TPCN2: variants seen among roughly 807,000 people sequenced by gnomAD.
TPCN2 encodes the protein two pore channel protein 2.
Under a neutral mutation model 111.4 loss-of-function variants are expected in TPCN2, and 92 were observed. The observed-to-expected ratio is 0.83, with a 90% CI of 0.70 to 0.98. The LOEUF is 0.98. Among genes scored for constraint, TPCN2 ranks in the 50% least tolerant of loss-of-function variants. The pLI, the probability that TPCN2 is intolerant of heterozygous loss-of-function variation, is 0.00. For missense variants in TPCN2, 995 were observed against 980.1 expected (o/e 1.02, Z -0.20); for synonymous variants, 405 against 414.5 (o/e 0.98, Z 0.28).
chr11:69,087,035 C>T, intron 23 of TPCN2, 77 bp from the exon 24 acceptor site: 1 of 1,327,548 alleles, frequency 7.5e-7, no homozygotes, highest in Non-Finnish European at 1.1e-6. Context: ...TGTGGCTGAC[C>T]CTGGAGGGGC....
rs1190575117 is a variant in TPCN2 at position 69,076,580 on chromosome 11, GTCCCTCCACCTGCCCTCCTGCC to G, written c.1231-1901_1231-1880del. Among the ~76,000 whole-genome samples the G allele has an allele frequency of 1.1e-4, 15 of 140,972 alleles. 1 individual carries two copies. The highest frequency in any genetic ancestry group is 2.8e-4 in the Admixed American group (4 of 14,284). 92.5% of individuals were successfully genotyped at this position (140,972 alleles called of 152,430 possible). A position where few individuals can be genotyped will look rare whatever the true frequency, so the allele number is the denominator to read the frequency against. On this transcript the variant is annotated intron_variant, in intron 13 of 24. Coordinates refer to ENST00000294309, the MANE Select transcript of TPCN2 (RefSeq NM_139075.4). ...GTCCCTCCACCTGCCCTCCTGCTCT[GTCCCTCCACCTGCCCTCCTGCC>G]GTGTCCCTCCACCTGCCCTCCTGCG...
chr11:69,063,504 C>A (rs926897030), intron 6 of TPCN2, among the ~76,000 whole-genome samples: 2 of 152,112 alleles, frequency 1.3e-5, no homozygotes, highest in African/African-American at 4.8e-5. Flanking sequence ...TGGTCCCGAT[C>A]CCCTGCCGCC....
chr11:69,072,984 A>C lies in TPCN2; in HGVS notation c.1213A>C (p.Arg405=). 6.2e-7 allele frequency: 1 copy of C among 1,613,776 alleles called. No homozygotes were observed. The change falls in exon 13 of 25, where the codon AGA becomes CGA. Residue 405 remains arginine, a synonymous_variant. Transcript: ENST00000294309. Reference sequence around the variant, plus strand: ...TCAGAAGCTCTTCAACGAGCTTGACAGAAGTGTGGTTAAAGAGGTAACTGG... The same window carrying C: ...TCAGAAGCTCTTCAACGAGCTTGACCGAAGTGTGGTTAAAGAGGTAACTGG... ...EFQKLFNELD[R]SVVKEHPPRP...
rs1855738768 is a variant in TPCN2 at position 69,076,023 on chromosome 11, C to A, written c.1231-2459C>A. Among the ~76,000 whole-genome samples, 3 of 152,238 alleles carry A rather than the reference C, an allele frequency of 2.0e-5. No individual in the cohort carries two copies. In the South Asian group the frequency reaches 6.2e-4, roughly 32 times the overall value. On this transcript the variant is annotated intron_variant, in intron 13 of 24. Coordinates refer to ENST00000294309, the MANE Select transcript of TPCN2 (RefSeq NM_139075.4). Reference sequence around the variant, plus strand: ...CTGAAATCTCTCTTGGCCAAGGTGTCCGTCTGGGTTAAACAGAAAGTGTCA... The same window carrying A: ...CTGAAATCTCTCTTGGCCAAGGTGTACGTCTGGGTTAAACAGAAAGTGTCA...
In TPCN2 at chr11:69,083,940, C is replaced by T; in HGVS notation, c.1690-5C>T. Reference sequence around the variant, plus strand: ...GTAAGGGCTGTGCTCTCTTCCTGTCCTCAGCTGATGGCCGTGGTGGCCAGT... The same window carrying T: ...GTAAGGGCTGTGCTCTCTTCCTGTCTTCAGCTGATGGCCGTGGTGGCCAGT... On this transcript the variant is annotated splice_region_variant and splice_polypyrimidine_tract_variant and intron_variant, in intron 18 of 24. Transcript: ENST00000294309. The T allele has an allele frequency of 6.2e-7, 1 of 1,614,004 alleles. No homozygotes were observed.
chr11:69,059,135 T>G (rs1412592277), intron 5 of TPCN2, among the ~76,000 whole-genome samples: 1 of 152,182 alleles, frequency 6.6e-6, no homozygotes, highest in East Asian at 1.9e-4. Flanking sequence ...TGGACCTTCC[T>G]CCCTGAGGGG....
chr11:69,058,133 C>T (rs1358585963), intron 5 of TPCN2, among the ~76,000 whole-genome samples: 1 of 152,224 alleles, frequency 6.6e-6, no homozygotes, highest in Non-Finnish European at 1.5e-5. Context: ...CTTTCCACCG[C>T]AGTGCCTTGG....
intron 8 of TPCN2, among the ~76,000 whole-genome samples, chr11:69,069,741 C>G (rs1344298875): frequency 8.1e-6 from 1 of 123,512 alleles, no homozygotes; most frequent in Non-Finnish European, 1.8e-5. Flanking sequence ...AGGAAGTGAC[C>G]GCACTGGGAG....
intron 4 of TPCN2, among the ~76,000 whole-genome samples, chr11:69,057,265 A>G (rs953928803): frequency 6.6e-6 from 1 of 152,228 alleles, no homozygotes; most frequent in African/African-American, 2.4e-5. Flanking sequence ...CCTTTTCCAG[A>G]GTGCATTCCA....
chr11:69,057,537 T>C (rs1396557994), intron 4 of TPCN2, 41 bp from the exon 5 acceptor site: 1 of 1,563,844 alleles, frequency 6.4e-7, no homozygotes, highest in Non-Finnish European at 8.8e-7. Flanking sequence ...AGGGCCAGCG[T>C]GTGGGGCTAC....
intron 13 of TPCN2, among the ~76,000 whole-genome samples, chr11:69,077,447 G>T (rs1366048315): frequency 6.6e-6 from 1 of 152,202 alleles, no homozygotes; most frequent in Non-Finnish European, 1.5e-5. Flanking sequence ...CTGTGGATGA[G>T]ACGCTGAAAG....
intron 1 of TPCN2, among the ~76,000 whole-genome samples, chr11:69,050,714 A>T (rs1590698727): frequency 6.6e-6 from 1 of 152,214 alleles, no homozygotes; most frequent in Admixed American, 6.5e-5. Context: ...AAAGGGAGAT[A>T]ATACTAAGGA....
At chr11:69,052,206 C>T (rs1352007669) in intron 1 of TPCN2, among the ~76,000 whole-genome samples, 6 of 152,074 alleles carry the variant, frequency 3.9e-5, no homozygotes, top group South Asian at 2.1e-4. Context: ...GGAACTCGGC[C>T]GCTTGTCTCT....
In TPCN2 at chr11:69,055,176, A is replaced by T; in HGVS notation, c.253A>T (p.Thr85Ser). 2 of 1,613,814 alleles carry T rather than the reference A, an allele frequency of 1.2e-6. No homozygotes were observed. Among genetic ancestry groups the T allele is most frequent in the African/African-American group, 1.3e-5 (1 of 75,016 alleles). Residue 85 changes from threonine (T) to serine (S), a missense_variant and splice_region_variant, in exon 4 of 25, where the codon ACT (threonine) becomes TCT (serine). By Grantham distance (58) the Thr-to-Ser change is moderately conservative. Coordinates refer to ENST00000294309, the MANE Select transcript of TPCN2 (RefSeq NM_139075.4). ...TTCATGTTTCTGTCCCCTTTCCAGG[A>T]CTTTGAGCTTCACCATCTTCTTGAT... is the stretch of plus-strand genomic sequence containing the variant. ...RRYYSNVCQR[T>S]LSFTIFLILF...
Position 69,088,702 on chromosome 11 carries a change from T to C in TPCN2, c.*749T>C, listed in dbSNP as rs1400305081. 4 of 152,158 alleles carry C rather than the reference T, an allele frequency of 2.6e-5. No individual in the cohort carries two copies. Among genetic ancestry groups the C allele is most frequent in the Admixed American group, 1.3e-4 (2 of 15,270 alleles). 9.4% of individuals were successfully genotyped at this position (152,158 alleles called of 1,614,324 possible). On this transcript the variant is annotated 3_prime_UTR_variant, in exon 25 of 25. Transcript: ENST00000294309. ...ATGTATAAGCCAATGGGTGACCTTA[T>C]TTCCTGTGTCTTCAGGTGTGTGGCA... is the stretch of plus-strand genomic sequence containing the variant.
chr11:69,063,895 C>A lies in TPCN2; in HGVS notation c.654C>A (p.Ser218Arg), dbSNP rs548405579. The A allele has an allele frequency of 6.2e-7, 1 of 1,613,856 alleles. No individual in the cohort carries two copies. The highest frequency in any genetic ancestry group is 8.5e-7 in the Non-Finnish European group (1 of 1,179,928). The change falls in exon 7 of 25, where the codon AGC (serine) becomes AGA (arginine). Residue 218 changes from serine (S) to arginine (R), a missense_variant and splice_region_variant. Physicochemically the swap from Ser to Arg is moderately radical, Grantham distance 110. Transcript: ENST00000294309. ...GGCTGAGTGCCGTGCTCTCCCCCAGCGTCGGGCTGCTGCTGGCCATCCACC... is the reference window on the plus strand; with the variant it reads ...GGCTGAGTGCCGTGCTCTCCCCCAGAGTCGGGCTGCTGCTGGCCATCCACC... ...CIRWSLPEMA[S>R]VGLLLAIHLC...
chr11:69,062,067 G>A (rs768831321), intron 5 of TPCN2, among the ~76,000 whole-genome samples: 1 of 152,200 alleles, frequency 6.6e-6, no homozygotes, highest in South Asian at 2.1e-4. Context: ...TGGTGCTGGC[G>A]TCTGCTTCTG....
At chr11:69,062,596 TG>T (rs1855070633) in intron 5 of TPCN2, among the ~76,000 whole-genome samples, 1 of 124,754 alleles carries the variant, frequency 8.0e-6, no homozygotes, top group East Asian at 2.1e-4. Flanking sequence ...CAGGGGAGGA[TG>T]GCCTGGGACA....
At position 69,076,521 on chromosome 11, in the gene TPCN2, C is replaced by T. The variant is rs534119016; in HGVS notation, c.1231-1961C>T. Among the ~76,000 whole-genome samples, 167 of 152,032 alleles carry T rather than the reference C, an allele frequency of 1.1e-3. No individual in the cohort carries two copies. In the South Asian group the frequency reaches 0.012, roughly 11 times the overall value. On this transcript the variant is annotated intron_variant, in intron 13 of 24. Coordinates refer to ENST00000294309, the MANE Select transcript of TPCN2 (RefSeq NM_139075.4). ...ACACTCCGATCCACCCCGTAGCATC[C>T]GGAAACCGCAGGGGAGGCCTGCCCT... is the stretch of plus-strand genomic sequence containing the variant.
Sources: gnomAD v4.1 joint callset for allele counts (sites outside exome capture counted in the v4.1 genomes callset) on GRCh38, gnomAD v4.1.1 for gene constraint, MANE v1.5 for transcripts, NCBI Gene and HGNC (gene_info 2026-07-23, HGNC 2026-07-21) for gene names.